The following ZNF497 variants were observed in gnomAD, a reference collection of about 807,000 sequenced individuals.
ZNF497 encodes the protein zinc finger protein 497.
For missense variants in ZNF497, 930 were observed against 714.0 expected (o/e 1.30, Z -3.45); for synonymous variants, 422 against 313.7 (o/e 1.35, Z -3.65).
Position 58,356,218 on chromosome 19 carries a change from C to T in ZNF497, c.1418G>A (p.Gly473Asp), listed in dbSNP as rs761130684. ...THTGERPYAC[G>D]ECGKPFSHRC... The stretch of plus-strand genomic sequence containing the variant: ...GTGGCTGAAAGGCTTCCCGCACTCG[C>T]CGCAAGCGTAGGGCCTCTCGCCCGT... The change falls in exon 3 of 3, where the codon GGC becomes GAC. Residue 473 changes from glycine to aspartate, a missense_variant. Gly to Asp is a moderately conservative substitution (Grantham distance 94). Coordinates refer to ENST00000311044, the MANE Select transcript of ZNF497 (RefSeq NM_198458.3). The T allele has an allele frequency of 5.6e-6, 9 of 1,603,282 alleles. No individual in the cohort carries two copies. The African/African-American group carries it at 9.4e-5, about 17-fold the overall frequency.
At position 58,357,204 on chromosome 19, in the gene ZNF497, G is replaced by C; in HGVS notation, c.432C>G (p.Ala144=). 1 of 1,613,118 alleles carries C rather than the reference G, an allele frequency of 6.2e-7. No individual in the cohort carries two copies. Reference sequence around the variant, plus strand: ...GGTGCTGGCTGAGGTTGGAGCTCCAGGCGAAGGCCTTGCCGCACTCGGGGC... The same window carrying C: ...GGTGCTGGCTGAGGTTGGAGCTCCACGCGAAGGCCTTGCCGCACTCGGGGC... ...YTCPECGKAF[A]WSSNLSQHQR... is the part of the protein sequence containing the mutation. Residue 144 remains alanine, a synonymous_variant, in exon 3 of 3, where the codon GCC becomes GCG. Transcript: ENST00000311044.
In ZNF497 at chr19:58,356,430, CGCCAGGCCGGAACT is replaced by C; in HGVS notation, c.1192_1205del (p.Ser398AlafsTer205). On this transcript the variant is annotated frameshift_variant, in exon 3 of 3. Coordinates refer to ENST00000311044, the MANE Select transcript of ZNF497 (RefSeq NM_198458.3). ...CTCCCGTGTGCGAAAGCCGGTGGTG[CGCCAGGCCGGAACT>C]GCCGCGGAAGGCCTTGCCGCAGTCG... The C allele has an allele frequency of 6.4e-7, 1 of 1,560,670 alleles. No individual in the cohort carries two copies. Among genetic ancestry groups the C allele is most frequent in the Non-Finnish European group, 8.6e-7 (1 of 1,158,514 alleles).
intron 1 of ZNF497, chr19:58,359,646 G>T: frequency 2.8e-6 from 1 of 350,956 alleles, no homozygotes; most frequent in South Asian, 2.1e-5. Flanking sequence ...ACCAGCAGAT[G>T]GGTCCTGTTT....
rs1488571352 is a variant in ZNF497, at chr19:58,356,623, G to A, written c.1013C>T (p.Ala338Val). Reference protein sequence around the residue: ...RPFECAECGQAFVMGSYLAEH... With the variant: ...RPFECAECGQVFVMGSYLAEH... ...CGCCAGGTAGGAGCCCATGACGAAA[G>A]CCTGGCCGCACTCGGCGCACTCGAA... Residue 338 changes from alanine (A) to valine (V), a missense_variant, in exon 3 of 3, where the codon GCT becomes GTT. Transcript: ENST00000311044. 6.5e-7 allele frequency: 1 copy of A among 1,546,618 alleles called. No individual in the cohort carries two copies. Among genetic ancestry groups the A allele is most frequent in the East Asian group, 2.4e-5 (1 of 41,284 alleles).
At position 58,357,612 on chromosome 19, in the gene ZNF497, G is replaced by T. The variant is rs548562268; in HGVS notation, c.24C>A (p.Thr8=). Residue 8 remains threonine, a synonymous_variant, in exon 3 of 3, where the codon ACC becomes ACA. Transcript: ENST00000311044. The part of the protein sequence containing the change: MESPRGW[T]LQVAPEEGQV... ...GGCCTTCCTCTGGGGCCACCTGCAG[G>T]GTCCACCCTCTTGGGGACTCCATCT... 6 of 1,543,714 alleles carry T rather than the reference G, an allele frequency of 3.9e-6. No homozygotes were observed. Among genetic ancestry groups the T allele is most frequent in the Non-Finnish European group, 5.2e-6 (6 of 1,149,614 alleles).
chr19:58,357,686 T>C (rs369836469), intron 2 of ZNF497, 37 bp from the exon 3 acceptor site: 24 of 1,492,518 alleles, frequency 1.6e-5, no homozygotes, highest in Non-Finnish European at 2.0e-5. Flanking sequence ...CCTTAGAGAA[T>C]ACAAAGAACA....
intron 2 of ZNF497, 186 bp downstream of exon 2, chr19:58,358,303 C>T: frequency 7.8e-7 from 1 of 1,282,200 alleles, no homozygotes; most frequent in Non-Finnish European, 1.0e-6. Context: ...GAGAGAGAGG[C>T]CAAGGGTGGG....
In ZNF497 at chr19:58,356,486, T is replaced by G. The variant is rs1420733724; in HGVS notation, c.1150A>C (p.Lys384Gln). 2 of 1,548,114 alleles carry G rather than the reference T, an allele frequency of 1.3e-6. No individual in the cohort carries two copies. The highest frequency in any genetic ancestry group is 1.9e-5 in the Admixed American group (1 of 52,156). ...LSHRRTHSGA[K>Q]PFACADCGKA... ...CCGCAGTCGGCGCAGGCGAAGGGCT[T>G]GGCGCCCGAGTGCGTGCGCCGGTGG... is the stretch of plus-strand genomic sequence containing the variant. Residue 384 changes from lysine to glutamine, a missense_variant, in exon 3 of 3, where the codon AAG becomes CAG. Physicochemically the swap from Lys to Gln is moderately conservative, Grantham distance 53. Transcript: ENST00000311044.
At chr19:58,359,350 G>T in intron 1 of ZNF497, 1 of 1,011,574 alleles carries the variant, frequency 9.9e-7, no homozygotes, top group Non-Finnish European at 1.4e-6. Context: ...GAGCCTGTGA[G>T]CACAGCAAGG....
rs1045352444 is a variant in ZNF497, at chr19:58,358,293, G to A, written c.-15+196C>T. Reference sequence around the variant, plus strand: ...GGCTGTGCAGCCCAGATCCCTGAGAGAGAGAGAGGCCAAGGGTGGGAGGGC... The same window carrying A: ...GGCTGTGCAGCCCAGATCCCTGAGAAAGAGAGAGGCCAAGGGTGGGAGGGC... On this transcript the variant is annotated intron_variant, in intron 2 of 2. Transcript: ENST00000311044. The A allele has an allele frequency of 3.9e-6, 5 of 1,288,994 alleles. No individual in the cohort carries two copies. In the East Asian group the frequency reaches 1.7e-4, roughly 43 times the overall value. 79.8% of individuals were successfully genotyped at this position (1,288,994 alleles called of 1,614,324 possible). A position where few individuals can be genotyped will look rare whatever the true frequency, so the allele number is the denominator to read the frequency against.
chr19:58,359,396 G>T (rs1313098005), intron 1 of ZNF497: 2 of 540,908 alleles, frequency 3.7e-6, no homozygotes, highest in Non-Finnish European at 6.6e-6. Flanking sequence ...ACCTGAGACT[G>T]AGTAAAAATG....
rs1327610123 is a variant in ZNF497, at chr19:58,355,819, A to C, written c.*320T>G. ...GCTTTTGACAGTGCCAGAGAACTCA[A>C]AGAAATAGCCACACCTGTCGGAGAC... On this transcript the variant is annotated 3_prime_UTR_variant, in exon 3 of 3. Transcript: ENST00000311044. The C allele has an allele frequency of 3.4e-6, 1 of 290,808 alleles. No individual in the cohort carries two copies. Among genetic ancestry groups the C allele is most frequent in the Non-Finnish European group, 6.3e-6 (1 of 157,516 alleles). 18.0% of individuals were successfully genotyped at this position (290,808 alleles called of 1,614,324 possible).
chr19:58,362,178 A>G (rs995661609), intron 1 of ZNF497, among the ~76,000 whole-genome samples: 4 of 152,120 alleles, frequency 2.6e-5, no homozygotes, highest in Non-Finnish European at 5.9e-5. Flanking sequence ...TGTCTCCCCC[A>G]CAACCCCCAA....
At chr19:58,358,636 C>CAGA in intron 1 of ZNF497, 51 bp from the exon 2 acceptor site, 1 of 874,400 alleles carries the variant, frequency 1.1e-6, no homozygotes, top group Non-Finnish European at 1.5e-6. Flanking sequence ...CCTAGCAGAT[C>CAGA]TGAGAAAACA....
At chr19:58,358,108 T>G in intron 2 of ZNF497, 1 of 1,265,530 alleles carries the variant, frequency 7.9e-7, no homozygotes, top group Non-Finnish European at 1.0e-6. Flanking sequence ...AACACAGCTA[T>G]GTCTGCCTCA....
intron 1 of ZNF497, chr19:58,359,384 C>A (rs776209062): frequency 3.0e-5 from 18 of 597,892 alleles, no homozygotes; most frequent in South Asian, 2.5e-4. Context: ...CTCCTTGGGA[C>A]CACCTGAGAC....
chr19:58,356,750 G>C lies in ZNF497; in HGVS notation c.886C>G (p.His296Asp), dbSNP rs992938307. Residue 296 changes from histidine to aspartate, a missense_variant, in exon 3 of 3, where the codon CAC becomes GAC. His to Asp is a moderately conservative substitution (Grantham distance 81, BLOSUM62 -1). Transcript: ENST00000311044. Reference protein sequence around the residue: ...VAGLRQHRRTHSSEKPFPCAE... With the variant: ...VAGLRQHRRTDSSEKPFPCAE... ...CAGGGGAAGGGCTTCTCGCTGCTGT[G>C]CGTGCGCCGGTGCTGCCGCAGCCCC... 1 of 1,564,478 alleles carries C rather than the reference G, an allele frequency of 6.4e-7. No homozygotes were observed. The highest frequency in any genetic ancestry group is 1.9e-5 in the Admixed American group (1 of 53,864).
At chr19:58,361,019 T>C (rs1362720356) in intron 1 of ZNF497, among the ~76,000 whole-genome samples, 3 of 151,908 alleles carry the variant, frequency 2.0e-5, no homozygotes, top group Non-Finnish European at 2.9e-5. Context: ...CCTGACCTCG[T>C]GATCCGCCCG....
Position 58,357,264 on chromosome 19 carries a change from A to G in ZNF497, c.372T>C (p.His124=). Residue 124 remains histidine, a synonymous_variant, in exon 3 of 3, where the codon CAT becomes CAC. Coordinates refer to ENST00000311044, the MANE Select transcript of ZNF497 (RefSeq NM_198458.3). The stretch of plus-strand genomic sequence containing the variant: ...GCTTCTCGCCTGTGTGCACGCGCCG[A>G]TGCTGCAGCAAGTAAGAGCCCTGGC... ...AFSQGSYLLQ[H]RRVHTGEKPY... 1 of 1,611,406 alleles carries G rather than the reference A, an allele frequency of 6.2e-7. No individual in the cohort carries two copies. The highest frequency in any genetic ancestry group is 8.5e-7 in the Non-Finnish European group (1 of 1,179,284).
Sources: gnomAD v4.1 joint callset for allele counts (sites outside exome capture counted in the v4.1 genomes callset) on GRCh38, gnomAD v4.1.1 for gene constraint, MANE v1.5 for transcripts, NCBI Gene and HGNC (gene_info 2026-07-23, HGNC 2026-07-21) for gene names.